PDE9A: variants seen among roughly 807,000 people sequenced by gnomAD.
PDE9A encodes phosphodiesterase 9A.
A neutral mutation model predicts 87.4 loss-of-function variants in PDE9A; 60 were observed. That is an observed-to-expected ratio of 0.69 (90% CI 0.56 to 0.85). PDE9A has a LOEUF of 0.85. PDE9A is among the 40% of genes least tolerant of loss of function. The pLI is 0.00. For missense variants in PDE9A, 665 were observed against 779.0 expected (o/e 0.85, Z 1.74); for synonymous variants, 272 against 279.4 (o/e 0.97, Z 0.27).
At chr21:42,726,676 G>T (rs1457667796) in intron 4 of PDE9A, among the ~76,000 whole-genome samples, 2 of 116,048 alleles carry the variant, frequency 1.7e-5, no homozygotes, top group Admixed American at 1.1e-4. Context: ...TCCCCGGCTG[G>T]TCTCAAACTC....
In PDE9A at chr21:42,705,467, C is replaced by A. The variant is rs1206804066; in HGVS notation, c.262+6456C>A. 6.6e-6 allele frequency among the ~76,000 whole-genome samples: 1 copy of A among 152,022 alleles called. No individual in the cohort carries two copies. On this transcript the variant is annotated intron_variant, in intron 4 of 19. Coordinates refer to ENST00000291539, the MANE Select transcript of PDE9A (RefSeq NM_002606.3). This position sits in a 1 kb window ranked among gnomAD's most constrained non-coding sequence, Gnocchi z 4.3. ...CTGCCAGGAGCTGGCAGGGGAGATGCCTGTGATGAGGATTGGGTGCTGTGA... is the reference window on the plus strand; with the variant it reads ...CTGCCAGGAGCTGGCAGGGGAGATGACTGTGATGAGGATTGGGTGCTGTGA...
chr21:42,744,436 C>G (rs1433112682), intron 8 of PDE9A, among the ~76,000 whole-genome samples: 2 of 152,130 alleles, frequency 1.3e-5, no homozygotes, highest in Non-Finnish European at 2.9e-5. Context: ...CAGATCCAAG[C>G]CTTAGGAGCA....
rs1250158077 is a variant in PDE9A, at chr21:42,692,622, T to C, written c.218+4628T>C. 2.0e-5 allele frequency among the ~76,000 whole-genome samples: 3 copies of C among 152,032 alleles called. No individual in the cohort carries two copies. Among genetic ancestry groups the C allele is most frequent in the African/African-American group, 7.2e-5 (3 of 41,400 alleles). The stretch of plus-strand genomic sequence containing the variant: ...ATCTTTCTGCAGCAGAAAGCCAGGC[T>C]TTCTGCAGGTTCCCAGTGAGGAGGA... On this transcript the variant is annotated intron_variant, in intron 3 of 19. Transcript: ENST00000291539. The surrounding 1 kb of genome is among the most constrained non-coding windows in gnomAD (Gnocchi z 4.3).
At chr21:42,699,258 G>A (rs1232281037) in intron 4 of PDE9A, among the ~76,000 whole-genome samples, 2 of 152,216 alleles carry the variant, frequency 1.3e-5, no homozygotes, top group African/African-American at 2.4e-5. Flanking sequence ...AGGGAGAATA[G>A]CATCTGCCTG....
At chr21:42,743,566 C>G (rs1343237716) in intron 7 of PDE9A, among the ~76,000 whole-genome samples, 4 of 152,178 alleles carry the variant, frequency 2.6e-5, no homozygotes, top group African/African-American at 9.7e-5. Context: ...GGCCACGGCA[C>G]ATGCCTGCGA....
chr21:42,763,332 G>A (rs1208773412), intron 14 of PDE9A, among the ~76,000 whole-genome samples: 1 of 151,126 alleles, frequency 6.6e-6, no homozygotes, highest in Non-Finnish European at 1.5e-5. Context: ...TAAGATCAGT[G>A]TGGATTGTCT....
chr21:42,673,881 G>T (rs916851506), intron 1 of PDE9A, among the ~76,000 whole-genome samples: 19 of 152,342 alleles, frequency 1.2e-4, no homozygotes, highest in Middle Eastern at 3.4e-3. Context: ...AAAACATTCA[G>T]GTCTCACGGC....
rs560888011 is a variant in PDE9A, at chr21:42,677,600, C to T, written c.70-8592C>T. On this transcript the variant is annotated intron_variant, in intron 1 of 19. Transcript: ENST00000291539. ...TGACGGTGCTGCTGTCTTTCATTCG[C>T]CAGCCTGTCATGCTCAACTCAAACC... Among the ~76,000 whole-genome samples the T allele has an allele frequency of 8.5e-5, 13 of 152,222 alleles. No homozygotes were observed. In the East Asian group the frequency reaches 1.9e-3, roughly 23 times the overall value.
intron 4 of PDE9A, among the ~76,000 whole-genome samples, chr21:42,714,412 T>C (rs2049643758): frequency 6.6e-6 from 1 of 152,246 alleles, no homozygotes; most frequent in South Asian, 2.1e-4. Context: ...CCCAAGTCTT[T>C]GTTGATATGG....
intron 1 of PDE9A, among the ~76,000 whole-genome samples, chr21:42,684,252 T>C (rs2059322140): frequency 6.6e-6 from 1 of 152,218 alleles, no homozygotes; most frequent in Admixed American, 6.5e-5. Flanking sequence ...CTCCTTGCCT[T>C]CCTCTTCTTC....
chr21:42,672,236 A>G (rs1186463172), intron 1 of PDE9A, among the ~76,000 whole-genome samples: 1 of 152,194 alleles, frequency 6.6e-6, no homozygotes, highest in Non-Finnish European at 1.5e-5. Flanking sequence ...ACCACAGCTG[A>G]AGGTCTGACT....
At chr21:42,773,312 G>A (rs908493626) in intron 19 of PDE9A, among the ~76,000 whole-genome samples, 1 of 149,846 alleles carries the variant, frequency 6.7e-6, no homozygotes, top group African/African-American at 2.5e-5. Context: ...ACATGCTTTA[G>A]TTAATAGAAA....
intron 1 of PDE9A, among the ~76,000 whole-genome samples, chr21:42,677,802 C>T (rs2058938823): frequency 6.6e-6 from 1 of 152,308 alleles, no homozygotes; most frequent in African/African-American, 2.4e-5. Context: ...GCCCCCACGC[C>T]CAGCTAATTT....
Position 42,762,217 on chromosome 21 carries a change from AT to A in PDE9A, c.1221del (p.Asp407GlufsTer10). The A allele has an allele frequency of 6.2e-7, 1 of 1,613,968 alleles. No homozygotes were observed. The highest frequency in any genetic ancestry group is 8.5e-7 in the Non-Finnish European group (1 of 1,179,954). On this transcript the variant is annotated frameshift_variant, in exon 14 of 20. Coordinates refer to ENST00000291539, the MANE Select transcript of PDE9A (RefSeq NM_002606.3). LOFTEE classifies it high-confidence loss of function. The part of the protein sequence containing the change: ...ECNIFSNIPP[D>X]GFKQIRQGMI... Reference sequence around the variant, plus strand: ...AACATCTTCTCCAACATCCCACCTGATGGGTTCAAGCAGATCCGACAGGTGT... The same window carrying A: ...AACATCTTCTCCAACATCCCACCTGAGGGTTCAAGCAGATCCGACAGGTGT...
intron 7 of PDE9A, 152 bp downstream of exon 7, chr21:42,733,578 C>CA: frequency 1.6e-6 from 1 of 628,214 alleles, no homozygotes; most frequent in South Asian, 1.9e-5. Context: ...TTGATGTTAA[C>CA]AAAGGCTAGC....
At chr21:42,753,897 G>T in intron 9 of PDE9A, 93 bp from the exon 10 acceptor site, 9 of 612,544 alleles carry the variant, frequency 1.5e-5, no homozygotes, top group Non-Finnish European at 2.6e-5. Context: ...GAAAAAGAAA[G>T]AGAACGGGAG....
intron 1 of PDE9A, among the ~76,000 whole-genome samples, chr21:42,684,135 G>C (rs1042225083): frequency 6.6e-6 from 1 of 152,234 alleles, no homozygotes; most frequent in African/African-American, 2.4e-5. Context: ...TCCCTCAGCC[G>C]GGGCCAGAAG....
chr21:42,664,742 A>G (rs2057844287), intron 1 of PDE9A, among the ~76,000 whole-genome samples: 1 of 152,188 alleles, frequency 6.6e-6, no homozygotes, highest in African/African-American at 2.4e-5. Context: ...CCCATCACCA[A>G]CTTCACTCAC....
chr21:42,769,199 ACATG>A, intron 17 of PDE9A, 44 bp downstream of exon 17: 3 of 1,581,750 alleles, frequency 1.9e-6, no homozygotes, highest in Non-Finnish European at 2.6e-6. Context: ...ACACTCAGAT[ACATG>A]CATGCACACA....
Sources: allele counts gnomAD v4.1 joint callset (sites outside exome capture counted in the v4.1 genomes callset), GRCh38; gene constraint gnomAD v4.1.1; non-coding constraint Gnocchi (gnomAD v3.1); transcripts MANE v1.5; gene names NCBI Gene and HGNC (gene_info 2026-07-23, HGNC 2026-07-21).